Variants in STX11 observed in about 807,000 individuals in gnomAD.
The protein encoded by STX11 is syntaxin 11, also known as syntaxin-11.
A neutral mutation model predicts 19.9 loss-of-function variants in STX11; 21 were observed. The observed-to-expected ratio is 1.06, with a 90% CI of 0.75 to 1.52. The LOEUF (loss-of-function observed/expected upper bound fraction) is 1.52. STX11 is among the 40% of genes most tolerant of loss of function. The pLI is 0.00. For synonymous variants in STX11, 193 were observed against 174.4 expected (o/e 1.11, Z -0.84); for missense variants, 438 against 405.9 (o/e 1.08, Z -0.68).
chr6:144,149,755 C>A (rs1366408236), upstream of STX11, among the ~76,000 whole-genome samples: 1 of 152,224 alleles, frequency 6.6e-6, no homozygotes. The surrounding 1 kb of genome is among the most constrained non-coding windows in gnomAD (Gnocchi z 5.1). Flanking sequence ...GGAATACGCG[C>A]GTGAGCCACC....
At chr6:144,161,686 T>C (rs1801346610) in intron 1 of STX11, among the ~76,000 whole-genome samples, 1 of 152,168 alleles carries the variant, frequency 6.6e-6, no homozygotes, top group South Asian at 2.1e-4. Flanking sequence ...TCTTAAGTTA[T>C]TAACTGCCTT....
rs538639583 is a variant in STX11 at position 144,172,283 on chromosome 6, A to C, written c.-5-14340A>C. ...GTAAGCACCTGTGATTCTTCTACGG[A>C]TCTCACCTGGACTCAGTCATGCAGC... On this transcript the variant is annotated intron_variant, in intron 1 of 1. Transcript: ENST00000367568. The surrounding 1 kb of genome is among the most constrained non-coding windows in gnomAD (Gnocchi z 4.2). Among the ~76,000 whole-genome samples, 98 of 152,280 alleles carry C rather than the reference A, an allele frequency of 6.4e-4. 2 individuals are homozygous for C. In the South Asian group the frequency reaches 0.013, roughly 20 times the overall value.
chr6:144,145,680 T>C (rs554143184), upstream of STX11, among the ~76,000 whole-genome samples: 2 of 152,286 alleles, frequency 1.3e-5, no homozygotes, highest in African/African-American at 2.4e-5. Flanking sequence ...ATGACACTTA[T>C]ATGTGGAATC....
In STX11 at chr6:144,169,903, C is replaced by A. The variant is rs954648954; in HGVS notation, c.-5-16720C>A. Among the ~76,000 whole-genome samples the A allele has an allele frequency of 5.3e-5, 8 of 152,168 alleles. No homozygotes were observed. Among genetic ancestry groups the A allele is most frequent in the Non-Finnish European group, 2.9e-5 (2 of 68,036 alleles). Reference sequence around the variant, plus strand: ...CTCACTATGTTGCTAGTATTGAACTCCTGGGCTCAAGTGATCCTCCTGCCT... The same window carrying A: ...CTCACTATGTTGCTAGTATTGAACTACTGGGCTCAAGTGATCCTCCTGCCT... On this transcript the variant is annotated intron_variant, in intron 1 of 1. Transcript: ENST00000367568. The surrounding 1 kb of genome is among the most constrained non-coding windows in gnomAD (Gnocchi z 5.2).
intron 1 of STX11, among the ~76,000 whole-genome samples, chr6:144,181,592 CAAAAAAAAAAAAAAA>C (rs145945304): frequency 1.5e-5 from 1 of 65,800 alleles, no homozygotes; most frequent in Non-Finnish European, 2.9e-5. Flanking sequence ...AAGACCACCT[CAAAAAAAAAAAAAAA>C]AAAAAAAAAA....
In STX11 at chr6:144,182,399, G is replaced by C. The variant is rs1172326865; in HGVS notation, c.-5-4224G>C. ...CCAAGAGAGGTGGGCAGGAAGGCCAGGTGAAGGCCCCCTTCCCTCCTTTAC... is the reference window on the plus strand; with the variant it reads ...CCAAGAGAGGTGGGCAGGAAGGCCACGTGAAGGCCCCCTTCCCTCCTTTAC... On this transcript the variant is annotated intron_variant, in intron 1 of 1. Transcript: ENST00000367568. This position sits in a 1 kb window ranked among gnomAD's most constrained non-coding sequence, Gnocchi z 4.8. Among the ~76,000 whole-genome samples the C allele has an allele frequency of 1.3e-5, 2 of 152,052 alleles. No individual in the cohort carries two copies. The highest frequency in any genetic ancestry group is 2.4e-5 in the African/African-American group (1 of 41,390).
chr6:144,158,159 G>A (rs73582923), intron 1 of STX11, among the ~76,000 whole-genome samples: 8,380 of 152,126 alleles, frequency 0.055, 756 homozygotes, highest in African/African-American at 0.19. Context: ...TATGCCTTTC[G>A]TGGTGACCAA....
rs1264958829 is a variant in STX11, at chr6:144,153,807, G to A, written c.-6+3104G>A. ...CCCTGTCGGGTGTGTGTAATGAGGA[G>A]GTAGGAGCAGTTGAGATGACTCCCA... On this transcript the variant is annotated intron_variant, in intron 1 of 1. Transcript: ENST00000367568. This position sits in a 1 kb window ranked among gnomAD's most constrained non-coding sequence, Gnocchi z 5.0. Among the ~76,000 whole-genome samples, 5 of 152,070 alleles carry A rather than the reference G, an allele frequency of 3.3e-5. No homozygotes were observed. Among genetic ancestry groups the A allele is most frequent in the African/African-American group, 9.7e-5 (4 of 41,396 alleles).
chr6:144,149,546 G>C (rs974931138), upstream of STX11, among the ~76,000 whole-genome samples: 1 of 152,020 alleles, frequency 6.6e-6, no homozygotes, highest in Non-Finnish European at 1.5e-5. This position sits in a 1 kb window ranked among gnomAD's most constrained non-coding sequence, Gnocchi z 5.1. Flanking sequence ...GCGCGATCTC[G>C]GCTCACTGCA....
chr6:144,175,790 T>TA lies in STX11; in HGVS notation c.-5-10832dup, dbSNP rs1228975830. 6.6e-6 allele frequency among the ~76,000 whole-genome samples: 1 copy of TA among 152,176 alleles called. No homozygotes were observed. The highest frequency in any genetic ancestry group is 1.5e-5 in the Non-Finnish European group (1 of 68,042). On this transcript the variant is annotated intron_variant, in intron 1 of 1. Transcript: ENST00000367568. The surrounding 1 kb of genome is among the most constrained non-coding windows in gnomAD (Gnocchi z 5.1). ...AGGAACACAGTAAGTAGCTGCTCCT[T>TA]ACCCACCTGACTTCCACACCCGTGG...
Position 144,187,684 on chromosome 6 carries a change from G to T in STX11, c.*193G>T, listed in dbSNP as rs564861410. ...GAAAGATGGTTAGTTGATACCGTCC[G>T]ATGATTCTTCAGTAAAGATAGATTC... On this transcript the variant is annotated 3_prime_UTR_variant, in exon 2 of 2. Transcript: ENST00000367568. The surrounding 1 kb of genome is among the most constrained non-coding windows in gnomAD (Gnocchi z 5.6). 118 of 710,750 alleles carry T rather than the reference G, an allele frequency of 1.7e-4. 1 individual carries two copies. In the African/African-American group the frequency reaches 2.0e-3, roughly 12 times the overall value. 44.0% of individuals were successfully genotyped at this position (710,750 alleles called of 1,614,324 possible). A position where few individuals can be genotyped will look rare whatever the true frequency, so the allele number is the denominator to read the frequency against.
chr6:144,146,758 T>C (rs1299475983), upstream of STX11, among the ~76,000 whole-genome samples: 1 of 152,192 alleles, frequency 6.6e-6, no homozygotes, highest in African/African-American at 2.4e-5. This position sits in a 1 kb window ranked among gnomAD's most constrained non-coding sequence, Gnocchi z 4.4. Flanking sequence ...GATCTCCCTA[T>C]GTTGCCCAGG....
At chr6:144,140,081 G>T in the STX11 span, among the ~76,000 whole-genome samples, 1 of 151,292 alleles carries the variant, frequency 6.6e-6, no homozygotes, top group Non-Finnish European at 1.5e-5. Flanking sequence ...ACATCCGTCA[G>T]CTTCTGCAAG....
At chr6:144,171,654 G>A (rs907427992) in intron 1 of STX11, among the ~76,000 whole-genome samples, 1 of 151,972 alleles carries the variant, frequency 6.6e-6, no homozygotes, top group East Asian at 1.9e-4. Flanking sequence ...CTGTATTATC[G>A]AACAGCTTTT....
rs565486469 is a variant in STX11, at chr6:144,174,295, C to T, written c.-5-12328C>T. On this transcript the variant is annotated intron_variant, in intron 1 of 1. Transcript: ENST00000367568. This position sits in a 1 kb window ranked among gnomAD's most constrained non-coding sequence, Gnocchi z 5.3. Reference sequence around the variant, plus strand: ...TCTCAGTCTCATAGCCACCCTCAGACTCAAGGAGTTGAGAAATAGTCTGTA... The same window carrying T: ...TCTCAGTCTCATAGCCACCCTCAGATTCAAGGAGTTGAGAAATAGTCTGTA... 1.2e-4 allele frequency among the ~76,000 whole-genome samples: 18 copies of T among 152,312 alleles called. No individual in the cohort carries two copies. The highest frequency in any genetic ancestry group is 4.1e-4 in the African/African-American group (17 of 41,568).
At chr6:144,140,254 A>ATATTTTTTT in the STX11 span, among the ~76,000 whole-genome samples, 1 of 38,904 alleles carries the variant, frequency 2.6e-5, no homozygotes, top group African/African-American at 1.3e-4. Context: ...ATATATATAT[A>ATATTTTTTT]TTTATTTATT....
Position 144,177,417 on chromosome 6 carries a change from C to T in STX11, c.-5-9206C>T, listed in dbSNP as rs912520374. On this transcript the variant is annotated intron_variant, in intron 1 of 1. Transcript: ENST00000367568. This position sits in a 1 kb window ranked among gnomAD's most constrained non-coding sequence, Gnocchi z 4.4. The stretch of plus-strand genomic sequence containing the variant: ...GCACAGATGACTTGAGCCTTGAGGC[C>T]TTGACCCTTGAGTGCTCCTGTCTTT... Among the ~76,000 whole-genome samples the T allele has an allele frequency of 4.6e-5, 7 of 152,220 alleles. No individual in the cohort carries two copies. Among genetic ancestry groups the T allele is most frequent in the African/African-American group, 1.7e-4 (7 of 41,456 alleles).
chr6:144,140,258 A>T, the STX11 span, among the ~76,000 whole-genome samples: 427 of 52,272 alleles, frequency 8.2e-3, 1 homozygote, highest in African/African-American at 0.055. Context: ...ATATATATTT[A>T]TTTATTTATT....
At position 144,159,441 on chromosome 6, in the gene STX11, G is replaced by A. The variant is rs184718754; in HGVS notation, c.-6+8738G>A. Among the ~76,000 whole-genome samples the A allele has an allele frequency of 2.0e-4, 30 of 152,242 alleles. No individual in the cohort carries two copies. Among genetic ancestry groups the A allele is most frequent in the African/African-American group, 6.0e-4 (25 of 41,566 alleles). On this transcript the variant is annotated intron_variant, in intron 1 of 1. Coordinates refer to ENST00000367568, the MANE Select transcript of STX11 (RefSeq NM_003764.4). This position sits in a 1 kb window ranked among gnomAD's most constrained non-coding sequence, Gnocchi z 4.3. ...TAAGTTATATCAAAATAGAAGTTAC[G>A]GATTTGGCTTTGGTTACAAGAGACT...
Sources: allele counts gnomAD v4.1 joint callset (sites outside exome capture counted in the v4.1 genomes callset), GRCh38; gene constraint gnomAD v4.1.1; non-coding constraint Gnocchi (gnomAD v3.1); transcripts MANE v1.5; gene names NCBI Gene and HGNC (gene_info 2026-07-23, HGNC 2026-07-21).